Variants in EZH2 observed in about 807,000 individuals in gnomAD.
EZH2 encodes the protein histone-lysine N-methyltransferase EZH2.
Under a neutral mutation model 98.4 loss-of-function variants are expected in EZH2, and 18 were observed. The observed-to-expected ratio is 0.18, with a 90% confidence interval of 0.13 to 0.27. The LOEUF (loss-of-function observed/expected upper bound fraction) is 0.27. Among genes scored for constraint, EZH2 ranks in the 10% least tolerant of loss-of-function variants. The probability of loss-of-function intolerance (pLI) is 1.00; values close to 1 mark genes in which losing one functional copy is unlikely to be tolerated. For missense variants in EZH2, 470 were observed against 935.1 expected (o/e 0.50, Z 6.49); for synonymous variants, 338 against 312.3 (o/e 1.08, Z -0.87).
chr7:148,863,234 C>T (rs1817962812), intron 1 of EZH2, among the ~76,000 whole-genome samples: 3 of 151,862 alleles, frequency 2.0e-5, no homozygotes, highest in Admixed American at 6.6e-5. Flanking sequence ...TCACAGAGAA[C>T]CTAGAACAGA....
intron 1 of EZH2, among the ~76,000 whole-genome samples, chr7:148,866,052 T>C (rs895344201): frequency 1.4e-4 from 21 of 152,292 alleles, no homozygotes; most frequent in African/African-American, 4.3e-4. Flanking sequence ...ATGATCTTGC[T>C]AAGAACAGTA....
chr7:148,832,174 C>T (rs182262630), intron 4 of EZH2, among the ~76,000 whole-genome samples: 9 of 152,270 alleles, frequency 5.9e-5, no homozygotes, highest in East Asian at 3.9e-4. Context: ...CTACAACCTC[C>T]GCCTCCCTCA....
At chr7:148,859,103 T>A (rs575850935) in intron 1 of EZH2, among the ~76,000 whole-genome samples, 165 of 152,360 alleles carry the variant, frequency 1.1e-3, no homozygotes, top group Non-Finnish European at 1.8e-3. Context: ...CAAATATTTA[T>A]TGAGCATCTA....
chr7:148,860,393 G>A (rs1208207079), intron 1 of EZH2, among the ~76,000 whole-genome samples: 1 of 151,938 alleles, frequency 6.6e-6, no homozygotes, highest in Non-Finnish European at 1.5e-5. Flanking sequence ...TAAAAATCGA[G>A]ATGCAATCAT....
At chr7:148,833,878 G>T (rs527424078) in intron 3 of EZH2, among the ~76,000 whole-genome samples, 1 of 152,216 alleles carries the variant, frequency 6.6e-6, no homozygotes, top group East Asian at 1.9e-4. Flanking sequence ...GCCTGACTCT[G>T]GAGCCCCTGC....
At chr7:148,860,116 T>C (rs546977910) in intron 1 of EZH2, among the ~76,000 whole-genome samples, 15 of 152,336 alleles carry the variant, frequency 9.8e-5, no homozygotes, top group Admixed American at 5.9e-4. Context: ...GTACAGCTAA[T>C]TTGATGGTCT....
At chr7:148,824,940 G>GT (rs1412278004) in intron 8 of EZH2, among the ~76,000 whole-genome samples, 3 of 151,762 alleles carry the variant, frequency 2.0e-5, no homozygotes, top group Non-Finnish European at 4.4e-5. Flanking sequence ...CTAGAATGAG[G>GT]TAAGTAACAG....
intron 9 of EZH2, 87 bp downstream of exon 9, chr7:148,819,509 G>C: frequency 9.5e-7 from 1 of 1,055,094 alleles, no homozygotes; most frequent in Non-Finnish European, 1.5e-6. Flanking sequence ...CATGGGTGCA[G>C]ACAACATTAA....
intron 1 of EZH2, among the ~76,000 whole-genome samples, chr7:148,853,411 C>T (rs1019211141): frequency 4.0e-5 from 6 of 151,846 alleles, no homozygotes; most frequent in African/African-American, 1.5e-4. Context: ...GACGAGACTC[C>T]GTCTCCAAAA....
At chr7:148,819,200 G>A (rs1805339021) in intron 9 of EZH2, 1 of 394,886 alleles carries the variant, frequency 2.5e-6, no homozygotes, top group African/African-American at 2.1e-5. Context: ...TAGCTGAAAT[G>A]ACAGTGCATC....
intron 1 of EZH2, among the ~76,000 whole-genome samples, chr7:148,856,911 A>G (rs888889124): frequency 2.0e-5 from 3 of 152,244 alleles, no homozygotes; most frequent in Non-Finnish European, 2.9e-5. Context: ...GGAGAATTCA[A>G]TTTCCTTCCC....
chr7:148,807,760 T>TGG, intron 19 of EZH2, 54 bp from the exon 20 acceptor site: 1 of 1,019,874 alleles, frequency 9.8e-7, no homozygotes. Context: ...CAACATGTGC[T>TGG]GAGACTTAAC....
chr7:148,815,580 C>T, intron 12 of EZH2, 34 bp from the exon 13 acceptor site: 1 of 1,602,468 alleles, frequency 6.2e-7, no homozygotes, highest in South Asian at 1.1e-5. Flanking sequence ...AACCAAATTT[C>T]TGCGGGAAGC....
intron 8 of EZH2, among the ~76,000 whole-genome samples, chr7:148,821,414 GGTTA>G (rs972486964): frequency 6.6e-5 from 10 of 152,110 alleles, no homozygotes; most frequent in African/African-American, 1.7e-4. Flanking sequence ...GTGATGGTAT[GGTTA>G]GTTAGACTTA....
chr7:148,865,864 C>G (rs1196892616), intron 1 of EZH2, among the ~76,000 whole-genome samples: 1 of 152,042 alleles, frequency 6.6e-6, no homozygotes, highest in Non-Finnish European at 1.5e-5. Context: ...CAATCTAAAC[C>G]AAGTAACCAT....
chr7:148,879,008 T>G (rs1329953435), intron 1 of EZH2, among the ~76,000 whole-genome samples: 4 of 152,006 alleles, frequency 2.6e-5, no homozygotes, highest in African/African-American at 4.8e-5. Context: ...GCGGATCATC[T>G]GAGGTCAGCA....
intron 8 of EZH2, among the ~76,000 whole-genome samples, chr7:148,823,563 A>ACG (rs1414428008): frequency 4.6e-5 from 7 of 152,214 alleles, no homozygotes; most frequent in Non-Finnish European, 1.0e-4. Flanking sequence ...AAAGTGGTTA[A>ACG]CTACTAATAA....
chr7:148,817,660 A>G, intron 10 of EZH2: 1 of 694,908 alleles, frequency 1.4e-6, no homozygotes, highest in Non-Finnish European at 2.4e-6. Flanking sequence ...AAAGTGCATC[A>G]TCAGCTTTCA....
chr7:148,815,782 C>A (rs928020886), intron 12 of EZH2, among the ~76,000 whole-genome samples: 9 of 152,328 alleles, frequency 5.9e-5, no homozygotes, highest in African/African-American at 1.9e-4. Context: ...GACTCCTGGT[C>A]AGAACTCCTG....
Sources: gnomAD v4.1 joint callset for allele counts (sites outside exome capture counted in the v4.1 genomes callset) on GRCh38, gnomAD v4.1.1 for gene constraint, MANE v1.5 for transcripts, NCBI Gene and HGNC (gene_info 2026-07-23, HGNC 2026-07-21) for gene names.